The following USP34 variants were observed in gnomAD, a reference collection of about 807,000 sequenced individuals.
USP34 encodes ubiquitin carboxyl-terminal hydrolase 34.
USP34 carries 70 observed loss-of-function variants against 460.3 expected under a neutral mutation model. The observed-to-expected ratio is 0.15, with a 90% CI of 0.13 to 0.19. USP34 has a LOEUF of 0.19. Ranked by LOEUF, USP34 falls within the 10% of genes least tolerant of loss-of-function variation. The probability of loss-of-function intolerance (pLI) is 1.00; values close to 1 mark genes in which losing one functional copy is unlikely to be tolerated. For synonymous variants in USP34, 1,647 were observed against 1,405.3 expected (o/e 1.17, Z -3.85); for missense variants, 3,985 against 4,236.2 (o/e 0.94, Z 1.65).
At chr2:61,381,229 AAAAT>A (rs1281034123) in intron 6 of USP34, among the ~76,000 whole-genome samples, 1 of 147,528 alleles carries the variant, frequency 6.8e-6, no homozygotes, top group Non-Finnish European at 1.5e-5. Flanking sequence ...AAATAAATAA[AAAAT>A]AAACAAAAAA....
intron 75 of USP34, chr2:61,200,317 A>G (rs1413403409): frequency 6.6e-6 from 1 of 152,298 alleles, no homozygotes; most frequent in Non-Finnish European, 1.5e-5. Context: ...TTTTTTTCAG[A>G]TGGCAGTTGG....
At chr2:61,449,292 T>C (rs993170143) in intron 1 of USP34, among the ~76,000 whole-genome samples, 4 of 151,828 alleles carry the variant, frequency 2.6e-5, no homozygotes, top group Non-Finnish European at 1.5e-5. Context: ...CAAAATATTG[T>C]TTAAAGCATT....
intron 76 of USP34, among the ~76,000 whole-genome samples, 198 bp downstream of exon 76, chr2:61,192,703 T>C (rs957906646): frequency 1.3e-5 from 2 of 152,236 alleles, no homozygotes; most frequent in African/African-American, 4.8e-5. Context: ...GATAGAAATC[T>C]ACTTAAGTTA....
chr2:61,403,486 A>C (rs1693779986), intron 3 of USP34, among the ~76,000 whole-genome samples: 1 of 152,214 alleles, frequency 6.6e-6, no homozygotes, highest in Non-Finnish European at 1.5e-5. Context: ...TATGTAGATT[A>C]AATATTTCAA....
At chr2:61,228,608 G>A (rs1234606442) in intron 61 of USP34, 37 bp downstream of exon 61, 1 of 1,566,296 alleles carries the variant, frequency 6.4e-7, no homozygotes, top group East Asian at 2.2e-5. Flanking sequence ...GAAAACCAGA[G>A]CCTCTAATAC....
At chr2:61,438,899 T>C (rs1220851759) in intron 1 of USP34, among the ~76,000 whole-genome samples, 1 of 152,114 alleles carries the variant, frequency 6.6e-6, no homozygotes, top group Admixed American at 6.5e-5. Context: ...GCAGATGACA[T>C]GACCTTATAT....
At chr2:61,415,969 T>C (rs946436515) in intron 2 of USP34, among the ~76,000 whole-genome samples, 1 of 152,234 alleles carries the variant, frequency 6.6e-6, no homozygotes. Context: ...GGAATCTACA[T>C]GTCAAAATAA....
Position 61,188,350 on chromosome 2 carries a change from C to A in USP34, c.10393G>T (p.Glu3465Ter). ...CSKDSTLAEE[E>*]SEFPSTSISA... ...ATAGAAGTAGAAGGGAACTCAGATT[C>A]TTCCTCAGCTAGGGTAGAATCCTTG... Residue 3465 changes from glutamate (E) to a stop codon, truncating the protein, a stop_gained, in exon 80 of 80, where the codon GAA becomes TAA. Transcript: ENST00000398571. LOFTEE classifies it high-confidence loss of function. 1 of 1,613,724 alleles carries A rather than the reference C, an allele frequency of 6.2e-7. No individual in the cohort carries two copies. The highest frequency in any genetic ancestry group is 8.5e-7 in the Non-Finnish European group (1 of 1,180,036).
chr2:61,213,118 C>T (rs1296534137), intron 68 of USP34, among the ~76,000 whole-genome samples: 4 of 152,036 alleles, frequency 2.6e-5, no homozygotes, highest in East Asian at 3.9e-4. Flanking sequence ...TGGGCTCAAG[C>T]GATCCTCCCA....
intron 27 of USP34, among the ~76,000 whole-genome samples, chr2:61,308,733 G>T (rs1690490169): frequency 1.3e-5 from 2 of 152,084 alleles, no homozygotes; most frequent in Non-Finnish European, 2.9e-5. Context: ...ACTGATTAAT[G>T]TCTGTAAGAA....
At chr2:61,295,054 T>A (rs949400125) in intron 31 of USP34, 22 bp from the exon 32 acceptor site, 1 of 1,606,580 alleles carries the variant, frequency 6.2e-7, no homozygotes, top group Non-Finnish European at 8.5e-7. Context: ...GCAAAAAAAG[T>A]AAGGCAGAAT....
chr2:61,405,680 T>C (rs770810641), intron 3 of USP34, 28 bp downstream of exon 3: 1 of 1,500,008 alleles, frequency 6.7e-7, no homozygotes, highest in South Asian at 1.4e-5. Context: ...TGGTATTACT[T>C]AAAATTCACA....
intron 1 of USP34, among the ~76,000 whole-genome samples, chr2:61,443,379 CTA>C (rs1695020231): frequency 6.6e-6 from 1 of 151,888 alleles, no homozygotes; most frequent in Admixed American, 6.6e-5. Flanking sequence ...CAACACATCA[CTA>C]TATGATGAAA....
chr2:61,408,914 A>G (rs183499252), intron 2 of USP34, among the ~76,000 whole-genome samples: 52 of 152,132 alleles, frequency 3.4e-4, no homozygotes, highest in African/African-American at 1.2e-3. Flanking sequence ...AAACAAAAAC[A>G]AAGTGAGGTC....
chr2:61,245,688 G>C (rs1331070487), intron 50 of USP34, among the ~76,000 whole-genome samples: 2 of 151,952 alleles, frequency 1.3e-5, no homozygotes, highest in Non-Finnish European at 1.5e-5. Flanking sequence ...AAAGGAAAAG[G>C]CACCATGGAC....
At chr2:61,312,004 C>T (rs1182185059) in intron 25 of USP34, 94 bp from the exon 26 acceptor site, 51 of 1,456,176 alleles carry the variant, frequency 3.5e-5, no homozygotes, top group Non-Finnish European at 4.4e-5. Flanking sequence ...CTGGAAAAGT[C>T]CAAAAGAAGT....
At chr2:61,407,410 C>A (rs543062062) in intron 2 of USP34, among the ~76,000 whole-genome samples, 1 of 152,112 alleles carries the variant, frequency 6.6e-6, no homozygotes, top group African/African-American at 2.4e-5. Flanking sequence ...TTAATACATA[C>A]GCAAGTACCT....
chr2:61,373,442 A>G (rs1365838337), intron 8 of USP34, among the ~76,000 whole-genome samples: 2 of 152,138 alleles, frequency 1.3e-5, no homozygotes, highest in African/African-American at 2.4e-5. Context: ...GACTGAAAAT[A>G]AAAGAATGGA....
At chr2:61,322,422 G>A (rs969222556) in intron 21 of USP34, among the ~76,000 whole-genome samples, 2 of 152,018 alleles carry the variant, frequency 1.3e-5, no homozygotes, top group Non-Finnish European at 1.5e-5. Context: ...GAAGACAGAC[G>A]AACTATTCAG....
Sources: gnomAD v4.1 joint callset for allele counts (sites outside exome capture counted in the v4.1 genomes callset) on GRCh38, gnomAD v4.1.1 for gene constraint, MANE v1.5 for transcripts, NCBI Gene and HGNC (gene_info 2026-07-23, HGNC 2026-07-21) for gene names.